Variants in TBC1D12 observed in about 807,000 individuals in gnomAD.
TBC1D12 encodes TBC1 domain family member 12.
TBC1D12 carries 56 observed loss-of-function variants against 86.7 expected under a neutral mutation model. That is an observed-to-expected ratio of 0.65 (90% CI 0.52 to 0.81). The LOEUF (loss-of-function observed/expected upper bound fraction) is 0.81. Ranked by LOEUF, TBC1D12 falls within the 30% of genes least tolerant of loss-of-function variation. TBC1D12 has a pLI of 0.00. For missense variants in TBC1D12, 1,023 were observed against 1,038.8 expected (o/e 0.98, Z 0.21); for synonymous variants, 421 against 411.7 (o/e 1.02, Z -0.27).
intron 11 of TBC1D12, among the ~76,000 whole-genome samples, chr10:94,523,553 A>T (rs1346826618): frequency 7.2e-5 from 11 of 151,936 alleles, no homozygotes; most frequent in African/African-American, 2.7e-4. Flanking sequence ...ATTGTCTGAA[A>T]TTTTTTTTAA....
At chr10:94,466,751 A>T (rs544839920) in intron 2 of TBC1D12, among the ~76,000 whole-genome samples, 59 of 152,332 alleles carry the variant, frequency 3.9e-4, no homozygotes, top group African/African-American at 1.4e-3. Context: ...GTCAAAACTC[A>T]GAAAATTGAC....
chr10:94,460,040 G>A (rs963545493), intron 2 of TBC1D12, among the ~76,000 whole-genome samples: 5 of 152,026 alleles, frequency 3.3e-5, no homozygotes, highest in Admixed American at 6.5e-5. Flanking sequence ...CTGCCAGCAC[G>A]TTGTCATCTC....
chr10:94,449,421 C>T (rs751263279), intron 2 of TBC1D12, among the ~76,000 whole-genome samples: 3 of 152,048 alleles, frequency 2.0e-5, no homozygotes, highest in Non-Finnish European at 4.4e-5. Context: ...TTTTTTGTCT[C>T]CTAATTCATA....
At chr10:94,458,985 A>G (rs1451078022) in intron 2 of TBC1D12, among the ~76,000 whole-genome samples, 3 of 152,114 alleles carry the variant, frequency 2.0e-5, no homozygotes, top group Non-Finnish European at 4.4e-5. Context: ...AGGGGACCCA[A>G]GCGGGTTGGC....
Position 94,482,847 on chromosome 10 carries a change from A to C in TBC1D12, c.1211+8064A>C, listed in dbSNP as rs2056097682. Reference sequence around the variant, plus strand: ...TTAGGTAACCATGTTTCTACTCTCTATCTCTGTGATTTCAATTGTTTTACT... The same window carrying C: ...TTAGGTAACCATGTTTCTACTCTCTCTCTCTGTGATTTCAATTGTTTTACT... On this transcript the variant is annotated intron_variant, in intron 3 of 12. Transcript: ENST00000225235. 3.3e-5 allele frequency among the ~76,000 whole-genome samples: 5 copies of C among 151,974 alleles called. No individual in the cohort carries two copies. The South Asian group carries it at 8.4e-4, about 25-fold the overall frequency.
intron 5 of TBC1D12, among the ~76,000 whole-genome samples, chr10:94,499,713 T>G (rs1021587783): frequency 6.6e-6 from 1 of 152,216 alleles, no homozygotes; most frequent in Non-Finnish European, 1.5e-5. Flanking sequence ...CCCATTTATC[T>G]TATAAGGAAA....
At chr10:94,413,551 T>G (rs2054955603) in intron 1 of TBC1D12, among the ~76,000 whole-genome samples, 1 of 152,210 alleles carries the variant, frequency 6.6e-6, no homozygotes, top group Non-Finnish European at 1.5e-5. Context: ...ATGCTTCTTA[T>G]TTCTGTGGCC....
At position 94,453,827 on chromosome 10, in the gene TBC1D12, TC is replaced by T. The variant is rs201606899; in HGVS notation, c.1095+11809del. ...GTCTGTATGTAGATTGATTTTTTTTTCATGTCGATGTCCAGTTGTTCCAGTA... is the reference window on the plus strand; with the variant it reads ...GTCTGTATGTAGATTGATTTTTTTTTATGTCGATGTCCAGTTGTTCCAGTA... On this transcript the variant is annotated intron_variant, in intron 2 of 12. Transcript: ENST00000225235. Among the ~76,000 whole-genome samples the T allele has an allele frequency of 2.6e-3, 389 of 152,340 alleles. 9 individuals are homozygous for T. In the East Asian group the frequency reaches 0.06, roughly 23 times the overall value.
intron 6 of TBC1D12, 146 bp from the exon 7 acceptor site, chr10:94,507,121 G>A (rs2056469516): frequency 2.9e-6 from 2 of 691,708 alleles, no homozygotes; most frequent in African/African-American, 3.7e-5. Context: ...AGTTTTGGTA[G>A]AATCAAGTAC....
intron 1 of TBC1D12, among the ~76,000 whole-genome samples, chr10:94,410,091 T>C (rs1012242995): frequency 1.3e-5 from 2 of 152,238 alleles, no homozygotes; most frequent in Non-Finnish European, 2.9e-5. Context: ...TGGAAGGAAC[T>C]TCTATGATCA....
chr10:94,446,809 C>T lies in TBC1D12; in HGVS notation c.1095+4790C>T, dbSNP rs144746163. ...TAATTTACAAAGTTTTTGCTGGGTGCGGTGGCTCACATCTACAATCCCAGC... is the reference window on the plus strand; with the variant it reads ...TAATTTACAAAGTTTTTGCTGGGTGTGGTGGCTCACATCTACAATCCCAGC... On this transcript the variant is annotated intron_variant, in intron 2 of 12. Transcript: ENST00000225235. Among the ~76,000 whole-genome samples, 636 of 152,100 alleles carry T rather than the reference C, an allele frequency of 4.2e-3. 2 individuals are homozygous for T. The highest frequency in any genetic ancestry group is 9.4e-3 in the African/African-American group (392 of 41,500).
chr10:94,522,203 T>A (rs1842171001), intron 10 of TBC1D12, 120 bp downstream of exon 10: 2 of 1,292,670 alleles, frequency 1.5e-6, no homozygotes, highest in Admixed American at 2.6e-5. Context: ...ATATTATAGT[T>A]TATTAATGAA....
chr10:94,431,036 A>G (rs1289973086), intron 1 of TBC1D12, among the ~76,000 whole-genome samples: 1 of 152,164 alleles, frequency 6.6e-6, no homozygotes, highest in Middle Eastern at 3.4e-3. Context: ...ATTGGGGTGG[A>G]GGATGAATTT....
intron 1 of TBC1D12, among the ~76,000 whole-genome samples, chr10:94,417,780 GCTCTGTCGCC>G (rs1275816375): frequency 2.8e-5 from 4 of 143,276 alleles, no homozygotes; most frequent in African/African-American, 5.3e-5. Context: ...ACGGAGTCTC[GCTCTGTCGCC>G]CAGGCTGGAG....
chr10:94,477,913 A>G (rs758493272), intron 3 of TBC1D12, among the ~76,000 whole-genome samples: 20 of 152,264 alleles, frequency 1.3e-4, no homozygotes, highest in Non-Finnish European at 2.5e-4. Flanking sequence ...TAGATCTGCA[A>G]ATTTCACCTT....
At chr10:94,433,722 T>G (rs1453483332) in intron 1 of TBC1D12, among the ~76,000 whole-genome samples, 1 of 152,238 alleles carries the variant, frequency 6.6e-6, no homozygotes, top group African/African-American at 2.4e-5. Flanking sequence ...TTTCTCCGTC[T>G]GCTGCTATGT....
At chr10:94,470,936 A>G (rs928396852) in intron 2 of TBC1D12, among the ~76,000 whole-genome samples, 2 of 152,076 alleles carry the variant, frequency 1.3e-5, no homozygotes, top group Admixed American at 6.6e-5. Context: ...AAGTGCTAGA[A>G]TACAACTTCT....
At chr10:94,476,125 C>A (rs544590088) in intron 3 of TBC1D12, among the ~76,000 whole-genome samples, 12 of 151,956 alleles carry the variant, frequency 7.9e-5, no homozygotes, top group African/African-American at 2.9e-4. Context: ...TTCTCTCTCT[C>A]TCTTTTTTTT....
chr10:94,442,077 T>A, intron 2 of TBC1D12, 58 bp downstream of exon 2: 1 of 1,449,236 alleles, frequency 6.9e-7, no homozygotes. Flanking sequence ...CTTCTTCTTC[T>A]TCTTCTTTTT....
Sources: allele counts gnomAD v4.1 joint callset (sites outside exome capture counted in the v4.1 genomes callset), GRCh38; gene constraint gnomAD v4.1.1; transcripts MANE v1.5; gene names NCBI Gene and HGNC (gene_info 2026-07-23, HGNC 2026-07-21).